The following KLRG2 variants were observed in gnomAD, a reference collection of about 807,000 sequenced individuals.
The protein encoded by KLRG2 is killer cell lectin like receptor G2.
A neutral mutation model predicts 35.4 loss-of-function variants in KLRG2; 39 were observed. The ratio of observed to expected loss-of-function variants is 1.10; its 90% CI spans 0.85 to 1.44. The LOEUF is 1.44. Among genes scored for constraint, KLRG2 ranks in the 40% most tolerant of loss-of-function variants. The pLI, the probability that KLRG2 is intolerant of heterozygous loss-of-function variation, is 0.00. For missense variants in KLRG2, 632 were observed against 570.9 expected (o/e 1.11, Z -1.09); for synonymous variants, 283 against 265.8 (o/e 1.06, Z -0.63).
At chr7:139,455,088 G>A (rs1796446784) in intron 3 of KLRG2, among the ~76,000 whole-genome samples, 1 of 150,040 alleles carries the variant, frequency 6.7e-6, no homozygotes, top group South Asian at 2.1e-4. Context: ...GCACGATCCT[G>A]GCTCACTGCA....
At chr7:139,444,981 G>A in the KLRG2 span, among the ~76,000 whole-genome samples, 2 of 152,072 alleles carry the variant, frequency 1.3e-5, no homozygotes, top group Non-Finnish European at 2.9e-5. Context: ...GACAAGAGAC[G>A]AGATTCACCC....
chr7:139,459,131 T>G (rs962750287), intron 3 of KLRG2, among the ~76,000 whole-genome samples: 1 of 152,260 alleles, frequency 6.6e-6, no homozygotes, highest in Non-Finnish European at 1.5e-5. Context: ...AAATGATTGA[T>G]GCTGTATGCA....
chr7:139,475,854 C>A (rs997375725), intron 3 of KLRG2, among the ~76,000 whole-genome samples: 1 of 151,936 alleles, frequency 6.6e-6, no homozygotes, highest in Non-Finnish European at 1.5e-5. Flanking sequence ...GGGACTGAAC[C>A]CTCAAACTGT....
At chr7:139,465,219 A>C (rs964487532) in intron 3 of KLRG2, among the ~76,000 whole-genome samples, 1 of 152,198 alleles carries the variant, frequency 6.6e-6, no homozygotes, top group African/African-American at 2.4e-5. Flanking sequence ...CCTTCACTCG[A>C]GCCCTTGCTC....
chr7:139,478,062 A>G (rs929388023), intron 3 of KLRG2, among the ~76,000 whole-genome samples: 4 of 145,382 alleles, frequency 2.8e-5, no homozygotes, highest in African/African-American at 9.9e-5. Context: ...CCGGCCCACA[A>G]TTTTTTTAAA....
At chr7:139,468,863 C>G (rs1796710553) in intron 3 of KLRG2, among the ~76,000 whole-genome samples, 1 of 152,132 alleles carries the variant, frequency 6.6e-6, no homozygotes, top group Non-Finnish European at 1.5e-5. Context: ...ACATTAAATG[C>G]ACATAACGCT....
intron 1 of KLRG2, among the ~76,000 whole-genome samples, chr7:139,480,790 C>G (rs1206334928): frequency 8.0e-6 from 1 of 125,390 alleles, no homozygotes; most frequent in South Asian, 2.6e-4. Context: ...ATCGCCCAGG[C>G]TGGAGTGCAG....
chr7:139,470,735 C>T (rs1011388843), intron 3 of KLRG2, among the ~76,000 whole-genome samples: 1 of 151,626 alleles, frequency 6.6e-6, no homozygotes, highest in Non-Finnish European at 1.5e-5. Flanking sequence ...GAGGCTGCAG[C>T]GAGCTATGAT....
chr7:139,457,341 G>T (rs1432116005), intron 3 of KLRG2, among the ~76,000 whole-genome samples: 1 of 152,120 alleles, frequency 6.6e-6, no homozygotes, highest in African/African-American at 2.4e-5. Context: ...GCCTGTTTGG[G>T]AAGGCACACC....
chr7:139,476,628 C>T (rs1354281461), intron 3 of KLRG2, among the ~76,000 whole-genome samples: 7 of 151,958 alleles, frequency 4.6e-5, no homozygotes, highest in East Asian at 1.9e-4. Context: ...TTAGTAGAGA[C>T]GGGGTTTCAC....
At chr7:139,449,739 A>G (rs557867645), downstream of KLRG2, among the ~76,000 whole-genome samples, 18 of 117,638 alleles carry the variant, frequency 1.5e-4, no homozygotes, top group East Asian at 7.2e-4. Context: ...TCCCTCTGTC[A>G]CCCAGGCTGG....
downstream of KLRG2, among the ~76,000 whole-genome samples, chr7:139,451,540 G>A (rs534363159): frequency 6.6e-4 from 100 of 151,980 alleles, no homozygotes; most frequent in African/African-American, 2.2e-3. Flanking sequence ...ACAGATAACC[G>A]AGGGAGTGGA....
the KLRG2 span, among the ~76,000 whole-genome samples, chr7:139,447,675 C>A: frequency 6.6e-6 from 1 of 151,916 alleles, no homozygotes; most frequent in African/African-American, 2.4e-5. Flanking sequence ...AGTGCTGGGA[C>A]TACAGGTGTG....
chr7:139,452,143 T>C (rs1796386449), downstream of KLRG2, among the ~76,000 whole-genome samples: 1 of 151,966 alleles, frequency 6.6e-6, no homozygotes, highest in Non-Finnish European at 1.5e-5. Flanking sequence ...TATTTTTTTG[T>C]GTTTTTAGTA....
chr7:139,453,791 C>T, intron 4 of KLRG2, 84 bp from the exon 5 acceptor site: 1 of 1,522,686 alleles, frequency 6.6e-7, no homozygotes, highest in Non-Finnish European at 9.0e-7. Flanking sequence ...AGCGTGTGTG[C>T]CTGTCACCTC....
chr7:139,467,788 G>T (rs1016249212), intron 3 of KLRG2, among the ~76,000 whole-genome samples: 1 of 151,040 alleles, frequency 6.6e-6, no homozygotes, highest in Non-Finnish European at 1.5e-5. Context: ...CTCATGGGAA[G>T]GGAAAGACCT....
chr7:139,464,819 A>C (rs1796623264), intron 3 of KLRG2, among the ~76,000 whole-genome samples: 1 of 152,228 alleles, frequency 6.6e-6, no homozygotes, highest in Non-Finnish European at 1.5e-5. Context: ...TCAAAATCAC[A>C]AACTATGCTC....
chr7:139,435,844 T>A, the KLRG2 span, among the ~76,000 whole-genome samples: 1 of 152,174 alleles, frequency 6.6e-6, no homozygotes. Flanking sequence ...GTCATGTGTT[T>A]ATTTGCTTTT....
the KLRG2 span, among the ~76,000 whole-genome samples, chr7:139,429,180 C>T: frequency 6.6e-6 from 1 of 152,082 alleles, no homozygotes; most frequent in African/African-American, 2.4e-5. Flanking sequence ...GTGGCGCGCA[C>T]CTGTAATTGC....
Sources: gnomAD v4.1 joint callset for allele counts (sites outside exome capture counted in the v4.1 genomes callset) on GRCh38, gnomAD v4.1.1 for gene constraint, MANE v1.5 for transcripts, NCBI Gene and HGNC (gene_info 2026-07-23, HGNC 2026-07-21) for gene names.